ANKFN1: variants seen among roughly 807,000 people sequenced by gnomAD.
ANKFN1 encodes the protein ankyrin repeat and fibronectin type-III domain-containing protein 1.
A neutral mutation model predicts 108.7 loss-of-function variants in ANKFN1; 74 were observed. The ratio of observed to expected loss-of-function variants is 0.68; its 90% CI spans 0.56 to 0.83. The LOEUF is 0.83. ANKFN1 is among the 40% of genes least tolerant of loss of function. The pLI is 0.00. For missense variants in ANKFN1, 1,505 were observed against 1,382.3 expected, an observed-to-expected ratio of 1.09 and a Z score of -1.41; for synonymous variants, 547 against 516.2, an observed-to-expected ratio of 1.06 and a Z score of -0.81.
intron 18 of ANKFN1, among the ~76,000 whole-genome samples, chr17:56,485,874 T>G (rs1367583057): frequency 6.6e-6 from 1 of 152,172 alleles, no homozygotes; most frequent in Non-Finnish European, 1.5e-5. Context: ...CCAGAGATGC[T>G]GAGTCAGTAG....
intron 4 of ANKFN1, among the ~76,000 whole-genome samples, chr17:56,349,736 A>G (rs1036586566): frequency 6.6e-6 from 1 of 152,160 alleles, no homozygotes. Flanking sequence ...AAATTATCAC[A>G]TATACCCCAA....
chr17:56,435,142 T>C (rs57241098), intron 8 of ANKFN1, among the ~76,000 whole-genome samples: 11,288 of 152,130 alleles, frequency 0.074, 1,375 homozygotes, highest in African/African-American at 0.26. Flanking sequence ...CTTTTTTCCC[T>C]CCGTTCTGAC....
chr17:56,488,938 ATGTGCCATATGC>A (rs2050941573), intron 18 of ANKFN1, among the ~76,000 whole-genome samples: 2 of 152,252 alleles, frequency 1.3e-5, no homozygotes, highest in Admixed American at 6.5e-5. Flanking sequence ...TGTATCAGGT[ATGTGCCATATGC>A]TGTGCTGGGC....
At chr17:56,229,661 C>CAAAAAAAA (rs58714064) in intron 3 of ANKFN1, among the ~76,000 whole-genome samples, 3 of 40,184 alleles carry the variant, frequency 7.5e-5, no homozygotes, top group Non-Finnish European at 1.4e-4. Flanking sequence ...TTTCAGATTG[C>CAAAAAAAA]AAAAAAAAAA....
At chr17:56,499,646 A>G (rs2051306162) in intron 20 of ANKFN1, among the ~76,000 whole-genome samples, 1 of 152,192 alleles carries the variant, frequency 6.6e-6, no homozygotes, top group Non-Finnish European at 1.5e-5. Context: ...CCATGTAAGT[A>G]GCTTGGCCTC....
At chr17:56,418,839 C>T (rs554006944) in intron 8 of ANKFN1, among the ~76,000 whole-genome samples, 4 of 151,720 alleles carry the variant, frequency 2.6e-5, no homozygotes, top group African/African-American at 4.8e-5. Flanking sequence ...ACAGAGAGTC[C>T]GAAGCCTAGG....
chr17:56,103,056 A>G (rs1274871825), intron 4 of ANKFN1, among the ~76,000 whole-genome samples: 1 of 152,232 alleles, frequency 6.6e-6, no homozygotes, highest in East Asian at 1.9e-4. Flanking sequence ...GGGACATTTA[A>G]TAGGGCTGCT....
intron 4 of ANKFN1, among the ~76,000 whole-genome samples, chr17:56,338,557 A>C (rs1265190992): frequency 1.3e-5 from 2 of 152,124 alleles, no homozygotes; most frequent in Non-Finnish European, 2.9e-5. Flanking sequence ...CAGATTTAAC[A>C]CAACAGATAC....
intron 4 of ANKFN1, among the ~76,000 whole-genome samples, chr17:56,074,256 T>C (rs1905155065): frequency 6.6e-6 from 1 of 152,220 alleles, no homozygotes; most frequent in African/African-American, 2.4e-5. Context: ...CCTGTAGGCA[T>C]GTCAACTCAC....
intron 6 of ANKFN1, among the ~76,000 whole-genome samples, chr17:56,357,018 T>C (rs1311312986): frequency 6.6e-6 from 1 of 152,162 alleles, no homozygotes; most frequent in African/African-American, 2.4e-5. Context: ...AATATCTAGT[T>C]AAACCAAAAG....
chr17:56,176,667 A>C (rs1412582967), intron 1 of ANKFN1, among the ~76,000 whole-genome samples: 2 of 152,164 alleles, frequency 1.3e-5, no homozygotes, highest in Non-Finnish European at 2.9e-5. Context: ...GCACTTTTTT[A>C]AGACTTATGT....
At chr17:56,086,505 C>G (rs866913314) in intron 4 of ANKFN1, among the ~76,000 whole-genome samples, 1 of 151,444 alleles carries the variant, frequency 6.6e-6, no homozygotes. Context: ...TTTCCAATGT[C>G]TTCTCTTGCC....
At chr17:56,243,374 A>G (rs1441602032) in intron 3 of ANKFN1, among the ~76,000 whole-genome samples, 1 of 152,038 alleles carries the variant, frequency 6.6e-6, no homozygotes, top group South Asian at 2.1e-4. Context: ...TGATATTGGG[A>G]ATATCCAAGA....
At chr17:56,327,870 G>T (rs117342840) in intron 4 of ANKFN1, among the ~76,000 whole-genome samples, 1 of 152,090 alleles carries the variant, frequency 6.6e-6, no homozygotes, top group Non-Finnish European at 1.5e-5. Flanking sequence ...CAAGATCATT[G>T]TTCATGTACT....
intron 4 of ANKFN1, among the ~76,000 whole-genome samples, chr17:56,113,785 AGG>A (rs1308301360): frequency 3.3e-5 from 5 of 152,210 alleles, no homozygotes; most frequent in Admixed American, 6.5e-5. Flanking sequence ...ATACACCCAC[AGG>A]GAGAAATAGA....
chr17:56,267,894 T>C (rs1011530273), intron 3 of ANKFN1, among the ~76,000 whole-genome samples: 1 of 152,208 alleles, frequency 6.6e-6, no homozygotes, highest in African/African-American at 2.4e-5. Context: ...TTTGGTTCCA[T>C]AGGATTTTTA....
Position 56,511,325 on chromosome 17 carries a change from C to A in ANKFN1, c.*56C>A. 2 of 1,426,630 alleles carry A rather than the reference C, an allele frequency of 1.4e-6. No homozygotes were observed. The highest frequency in any genetic ancestry group is 1.9e-6 in the Non-Finnish European group (2 of 1,078,118). The allele number at this position is 1,426,630 out of a possible 1,614,324, so 88.4% of individuals were successfully genotyped here. A position where few individuals can be genotyped will look rare whatever the true frequency, so the allele number is the denominator to read the frequency against. On this transcript the variant is annotated 3_prime_UTR_variant, in exon 21 of 21. Transcript: ENST00000682825. ...TGGCTGCTACCTGCGTTTTACATCA[C>A]CCTTACCCCCATCCTGCCCCACTGT...
chr17:56,259,343 G>A (rs1434453091), intron 3 of ANKFN1, among the ~76,000 whole-genome samples: 1 of 152,190 alleles, frequency 6.6e-6, no homozygotes, highest in East Asian at 1.9e-4. Flanking sequence ...AGCAGTGGCT[G>A]CTACGTTAGG....
At chr17:56,328,787 G>A (rs1364585619) in intron 4 of ANKFN1, among the ~76,000 whole-genome samples, 1 of 140,524 alleles carries the variant, frequency 7.1e-6, no homozygotes, top group Admixed American at 6.8e-5. Context: ...AAAAAAAAAA[G>A]GGGGGGCAGG....
Sources: gnomAD v4.1 joint callset for allele counts (sites outside exome capture counted in the v4.1 genomes callset) on GRCh38, gnomAD v4.1.1 for gene constraint, MANE v1.5 for transcripts, NCBI Gene and HGNC (gene_info 2026-07-23, HGNC 2026-07-21) for gene names.